REXO5: variants seen among roughly 807,000 people sequenced by gnomAD.
The protein encoded by REXO5 is RNA exonuclease 5, also known as exonuclease NEF-sp.
A neutral mutation model predicts 88.5 loss-of-function variants in REXO5; 48 were observed. That is an observed-to-expected ratio of 0.54 (90% CI 0.43 to 0.69). REXO5 has a LOEUF of 0.69. Among genes scored for constraint, REXO5 ranks in the 30% least tolerant of loss-of-function variants. The pLI is 0.00. For missense variants in REXO5, 749 were observed against 912.2 expected (o/e 0.82, Z 2.30); for synonymous variants, 311 against 336.5 (o/e 0.92, Z 0.83).
At chr16:20,814,813 C>G in intron 3 of REXO5, 114 bp from the exon 4 acceptor site, 1 of 1,038,634 alleles carries the variant, frequency 9.6e-7, no homozygotes, top group South Asian at 2.0e-5. Context: ...GTGATAAATT[C>G]TATTAACTCT....
chr16:20,808,352 C>G (rs1339472243), intron 2 of REXO5, among the ~76,000 whole-genome samples: 1 of 152,176 alleles, frequency 6.6e-6, no homozygotes, highest in Non-Finnish European at 1.5e-5. Context: ...GTGTTTGAGA[C>G]AGGGTCTCTG....
rs1485287358 is a variant in REXO5, at chr16:20,806,986, C to T, written c.33C>T (p.His11=). 5 of 1,599,474 alleles carry T rather than the reference C, an allele frequency of 3.1e-6. No homozygotes were observed. The highest frequency in any genetic ancestry group is 1.1e-5 in the South Asian group (1 of 88,326). The change falls in exon 2 of 20, where the codon CAC becomes CAT. Residue 11 remains histidine (H), a synonymous_variant. Coordinates refer to ENST00000261377, the MANE Select transcript of REXO5 (RefSeq NM_030941.3). ...CAGAGAGGGAAGGGACCGAGAGACA[C>T]CCCAGGAAGGTCAGGGAAAGCAGGC... The part of the protein sequence containing the change: MEPEREGTER[H]PRKVRESRQA...
chr16:20,821,995 T>C, intron 6 of REXO5, 93 bp downstream of exon 6: 1 of 1,285,768 alleles, frequency 7.8e-7, no homozygotes, highest in South Asian at 1.8e-5. Context: ...TATCTGGCTG[T>C]TTTCTGAGTG....
intron 11 of REXO5, among the ~76,000 whole-genome samples, chr16:20,829,945 C>G (rs1384380441): frequency 2.6e-5 from 4 of 152,188 alleles, no homozygotes. Context: ...ACTCAACTTG[C>G]TGTGGTACTG....
chr16:20,816,348 G>A (rs2081081535), intron 5 of REXO5, 136 bp downstream of exon 5: 2 of 648,590 alleles, frequency 3.1e-6, no homozygotes, highest in Non-Finnish European at 5.2e-6. Flanking sequence ...TTGAAACGGG[G>A]GTCTCACTCT....
chr16:20,843,041 A>G (rs1173023192), intron 15 of REXO5, among the ~76,000 whole-genome samples: 1 of 152,186 alleles, frequency 6.6e-6, no homozygotes, highest in Non-Finnish European at 1.5e-5. Context: ...ATCCTAATGG[A>G]TGTGAAATGG....
chr16:20,826,279 A>G (rs976986386), intron 8 of REXO5, among the ~76,000 whole-genome samples: 8 of 152,338 alleles, frequency 5.3e-5, no homozygotes, highest in Admixed American at 3.3e-4. Context: ...AAAATCTGCA[A>G]GTCATCATTT....
intron 16 of REXO5, 30 bp downstream of exon 16, chr16:20,844,056 T>TG: frequency 7.2e-7 from 1 of 1,396,806 alleles, no homozygotes; most frequent in Non-Finnish European, 1.0e-6. Context: ...CCCCCTTTGC[T>TG]TGGGTCTGGC....
chr16:20,820,036 A>C (rs1214790834), intron 5 of REXO5, among the ~76,000 whole-genome samples: 1 of 152,178 alleles, frequency 6.6e-6, no homozygotes, highest in Non-Finnish European at 1.5e-5. Flanking sequence ...GATTACAGGC[A>C]TGCCATGCAC....
intron 15 of REXO5, among the ~76,000 whole-genome samples, chr16:20,842,054 T>C (rs2081536429): frequency 6.6e-6 from 1 of 152,136 alleles, no homozygotes; most frequent in Non-Finnish European, 1.5e-5. Context: ...GCGGGTAAAA[T>C]ACATATAAAA....
At chr16:20,815,708 C>T (rs1400853647) in intron 4 of REXO5, among the ~76,000 whole-genome samples, 1 of 152,138 alleles carries the variant, frequency 6.6e-6, no homozygotes, top group African/African-American at 2.4e-5. Flanking sequence ...GCCCGAGTTC[C>T]AGCTAGTAAG....
At chr16:20,832,878 T>A (rs2081368062) in intron 12 of REXO5, 125 bp from the exon 13 acceptor site, 1 of 839,302 alleles carries the variant, frequency 1.2e-6, no homozygotes, top group Non-Finnish European at 1.8e-6. Flanking sequence ...TAATTTTATT[T>A]AATTTTAATT....
chr16:20,807,624 G>A (rs763837964), intron 2 of REXO5, among the ~76,000 whole-genome samples: 2 of 149,630 alleles, frequency 1.3e-5, no homozygotes, highest in African/African-American at 2.5e-5. Context: ...ATGGTGGGCC[G>A]GGTGCAGTGG....
intron 5 of REXO5, among the ~76,000 whole-genome samples, chr16:20,816,917 G>A (rs2081089402): frequency 6.6e-6 from 1 of 152,200 alleles, no homozygotes; most frequent in Non-Finnish European, 1.5e-5. Flanking sequence ...ATAGGCAGGA[G>A]GTTTAGATAC....
intron 6 of REXO5, 135 bp downstream of exon 6, chr16:20,822,037 G>A (rs200499988): frequency 8.1e-5 from 72 of 894,250 alleles, no homozygotes; most frequent in Admixed American, 3.5e-5. Context: ...TATTAATGAG[G>A]AAATATCTTC....
intron 10 of REXO5, among the ~76,000 whole-genome samples, chr16:20,828,049 A>G (rs534176806): frequency 5.2e-4 from 79 of 152,294 alleles, no homozygotes; most frequent in African/African-American, 1.9e-3. Flanking sequence ...ACACCTAAGA[A>G]AGTATTTAAG....
chr16:20,806,669 C>T lies in REXO5; in HGVS notation c.-39C>T. 1 of 1,105,812 alleles carries T rather than the reference C, an allele frequency of 9.0e-7. No homozygotes were observed. 68.5% of individuals were successfully genotyped at this position (1,105,812 alleles called of 1,614,324 possible). On this transcript the variant is annotated 5_prime_UTR_variant, in exon 1 of 20. In the 5' UTR this introduces an upstream ATG that the reference lacks. Transcript: ENST00000261377. ...GCACCTTCCTTCTTTGCCAGGCAGACGCCCGTTGTAGCCGTTGGGGAACCG... is the reference window on the plus strand; with the variant it reads ...GCACCTTCCTTCTTTGCCAGGCAGATGCCCGTTGTAGCCGTTGGGGAACCG...
chr16:20,836,483 A>G (rs1280400642), intron 13 of REXO5, among the ~76,000 whole-genome samples: 1 of 152,170 alleles, frequency 6.6e-6, no homozygotes, highest in Non-Finnish European at 1.5e-5. Flanking sequence ...TTAACACTGA[A>G]TAACTATACA....
Position 20,807,077 on chromosome 16 carries a change from C to A in REXO5, c.124C>A (p.Gln42Lys). The A allele has an allele frequency of 6.2e-7, 1 of 1,603,758 alleles. No homozygotes were observed. The highest frequency in any genetic ancestry group is 1.1e-5 in the South Asian group (1 of 88,552). The change falls in exon 2 of 20, where the codon CAG becomes AAG. Residue 42 changes from glutamine to lysine, a missense_variant. Physicochemically the swap from Gln to Lys is moderately conservative, Grantham distance 53. Coordinates refer to ENST00000261377, the MANE Select transcript of REXO5 (RefSeq NM_030941.3). ...MKAGWDLEES[Q>K]PEAKKARLST... ...AGCCGGTTGGGATCTCGAGGAGAGT[C>A]AGCCCGAGGCCAAGGTGAGCAACGG...
Sources: gnomAD v4.1 joint callset for allele counts (sites outside exome capture counted in the v4.1 genomes callset) on GRCh38, gnomAD v4.1.1 for gene constraint, MANE v1.5 for transcripts, NCBI Gene and HGNC (gene_info 2026-07-23, HGNC 2026-07-21) for gene names.